KATNIP: variants seen among roughly 807,000 people sequenced by gnomAD.
KATNIP encodes the protein katanin-interacting protein.
In KATNIP, 126 loss-of-function variants were observed where a neutral mutation model predicts 174.0. The observed-to-expected ratio is 0.72, with a 90% CI of 0.63 to 0.84. The LOEUF is 0.84. Among genes scored for constraint, KATNIP ranks in the 40% least tolerant of loss-of-function variants. The pLI is 0.00. For missense variants in KATNIP, 1,958 were observed against 2,109.7 expected (o/e 0.93, Z 1.41); for synonymous variants, 810 against 835.7 (o/e 0.97, Z 0.53).
At chr16:27,672,944 C>T (rs1046277334) in intron 6 of KATNIP, among the ~76,000 whole-genome samples, 2 of 152,132 alleles carry the variant, frequency 1.3e-5, no homozygotes, top group African/African-American at 2.4e-5. Flanking sequence ...TCAGTTGGGA[C>T]AATTTGGGGC....
chr16:27,704,926 T>C (rs1265077334), intron 12 of KATNIP, among the ~76,000 whole-genome samples: 5 of 148,300 alleles, frequency 3.4e-5, no homozygotes, highest in Admixed American at 6.7e-5. Context: ...TTTTTTTTTT[T>C]CTTAGACAGA....
chr16:27,600,752 G>A (rs868184637), intron 2 of KATNIP, among the ~76,000 whole-genome samples: 7 of 148,808 alleles, frequency 4.7e-5, no homozygotes, highest in Non-Finnish European at 7.4e-5. Context: ...TTTTTTAGAC[G>A]GAGTTTTAAT....
intron 6 of KATNIP, among the ~76,000 whole-genome samples, chr16:27,661,911 AATATATATATATATATATATAT>A (rs55805859): frequency 7.4e-3 from 73 of 9,886 alleles, no homozygotes; most frequent in East Asian, 0.014. Context: ...GTGCCTGGCT[AATATATATATATATATATATAT>A]ATATATATAT....
At chr16:27,672,467 G>C (rs578106850) in intron 6 of KATNIP, among the ~76,000 whole-genome samples, 5 of 152,056 alleles carry the variant, frequency 3.3e-5, no homozygotes, top group African/African-American at 1.2e-4. Flanking sequence ...GTCTCCTCCC[G>C]CCCCACACTG....
At chr16:27,700,644 C>T (rs984012667) in intron 10 of KATNIP, among the ~76,000 whole-genome samples, 19 of 152,174 alleles carry the variant, frequency 1.2e-4, no homozygotes, top group African/African-American at 4.3e-4. Flanking sequence ...GCACCAGCAA[C>T]AGGGAACGGC....
chr16:27,766,347 A>G lies in KATNIP; in HGVS notation c.3848A>G (p.His1283Arg), dbSNP rs1377972379. The G allele has an allele frequency of 1.2e-6, 2 of 1,614,068 alleles. No homozygotes were observed. Among genetic ancestry groups the G allele is most frequent in the Non-Finnish European group, 1.7e-6 (2 of 1,180,044 alleles). Residue 1283 changes from histidine to arginine, a missense_variant, in exon 20 of 28, where the codon CAT becomes CGT. This residue lies in a region of KATNIP where 18 missense variants were observed against 35.8 expected (regional missense o/e 0.50). Coordinates refer to ENST00000261588, the MANE Select transcript of KATNIP (RefSeq NM_015202.5). ...ACCAACATCACCATGGAGGATGAGC[A>G]TATGTGGCTGATCCCCTTCTCGCCG... The part of the protein sequence containing the change: ...DGTNITMEDE[H>R]MWLIPFSPGL...
chr16:27,754,334 T>A, intron 18 of KATNIP, 83 bp downstream of exon 18: 2 of 1,178,982 alleles, frequency 1.7e-6, no homozygotes, highest in Non-Finnish European at 2.5e-6. Context: ...GGGACAGGGT[T>A]TCGCTGGACA....
At position 27,606,253 on chromosome 16, in the gene KATNIP, GGT is replaced by G. The variant is rs370891313; in HGVS notation, c.64-12170_64-12169del. Reference sequence around the variant, plus strand: ...GGAGAATAGAGGAACTGGCACTTGGGGTGGGTTTTGAAGGAAGGCTGTGACTT... The same window carrying G: ...GGAGAATAGAGGAACTGGCACTTGGGGGGTTTTGAAGGAAGGCTGTGACTT... On this transcript the variant is annotated intron_variant, in intron 2 of 27. Coordinates refer to ENST00000261588, the MANE Select transcript of KATNIP (RefSeq NM_015202.5). Among the ~76,000 whole-genome samples, 122 of 152,298 alleles carry G rather than the reference GGT, an allele frequency of 8.0e-4. 1 individual carries two copies. The East Asian group carries it at 0.021, about 27-fold the overall frequency.
At chr16:27,713,934 G>A (rs1242055895) in intron 13 of KATNIP, among the ~76,000 whole-genome samples, 2 of 144,608 alleles carry the variant, frequency 1.4e-5, no homozygotes, top group Non-Finnish European at 3.0e-5. Context: ...ATAAAGCCCT[G>A]GTGTTTCCCC....
intron 8 of KATNIP, among the ~76,000 whole-genome samples, chr16:27,697,798 G>T (rs572349843): frequency 6.6e-6 from 1 of 151,958 alleles, no homozygotes; most frequent in African/African-American, 2.4e-5. Context: ...GTTTGTGCAT[G>T]TGCATATGTG....
intron 14 of KATNIP, among the ~76,000 whole-genome samples, chr16:27,730,827 A>T (rs116954933): frequency 1.3e-5 from 2 of 152,164 alleles, no homozygotes; most frequent in African/African-American, 4.8e-5. Context: ...CTGCCCTGCA[A>T]TGTGTTCGGT....
At chr16:27,702,576 G>A (rs1037890300) in intron 11 of KATNIP, among the ~76,000 whole-genome samples, 1 of 152,174 alleles carries the variant, frequency 6.6e-6, no homozygotes, top group South Asian at 2.1e-4. Flanking sequence ...TGGCTGAGAG[G>A]CGAGAAGGGG....
chr16:27,600,313 A>G (rs1162681948), intron 2 of KATNIP, among the ~76,000 whole-genome samples: 2 of 152,246 alleles, frequency 1.3e-5, no homozygotes, highest in East Asian at 3.8e-4. Flanking sequence ...ACATTGTCTC[A>G]CATGGCAAAA....
At chr16:27,558,986 G>T (rs970011503) in intron 1 of KATNIP, among the ~76,000 whole-genome samples, 1 of 152,182 alleles carries the variant, frequency 6.6e-6, no homozygotes, top group Admixed American at 6.5e-5. Context: ...GAGTCTGTGG[G>T]GAAGAACTGG....
intron 18 of KATNIP, among the ~76,000 whole-genome samples, chr16:27,760,043 C>T (rs1220439267): frequency 2.0e-5 from 3 of 152,102 alleles, no homozygotes; most frequent in African/African-American, 7.2e-5. Flanking sequence ...ATGTCAGGGG[C>T]GTGGGAGAGA....
chr16:27,680,879 A>G (rs147117688), intron 7 of KATNIP, among the ~76,000 whole-genome samples: 3,432 of 152,170 alleles, frequency 0.023, 148 homozygotes, highest in African/African-American at 0.079. Flanking sequence ...ATTTTTGGTA[A>G]AGACAGAGTT....
At chr16:27,582,307 A>G (rs1432169524) in intron 2 of KATNIP, among the ~76,000 whole-genome samples, 1 of 152,184 alleles carries the variant, frequency 6.6e-6, no homozygotes, top group Non-Finnish European at 1.5e-5. Flanking sequence ...AAGAAAAGGC[A>G]AGTTGGTGGT....
chr16:27,614,387 C>T (rs1356063148), intron 2 of KATNIP, among the ~76,000 whole-genome samples: 1 of 152,204 alleles, frequency 6.6e-6, no homozygotes, highest in Non-Finnish European at 1.5e-5. Context: ...TCTTGAACTC[C>T]TGATCTCAGG....
chr16:27,596,713 G>T (rs2075346410), intron 2 of KATNIP, among the ~76,000 whole-genome samples: 1 of 152,116 alleles, frequency 6.6e-6, no homozygotes, highest in African/African-American at 2.4e-5. Context: ...AACATAGCAA[G>T]ACCCCGTTTC....
Sources: allele counts gnomAD v4.1 joint callset (sites outside exome capture counted in the v4.1 genomes callset), GRCh38; gene constraint gnomAD v4.1.1; regional missense constraint gnomAD v4.1.1; transcripts MANE v1.5; gene names NCBI Gene and HGNC (gene_info 2026-07-23, HGNC 2026-07-21).